ATG13: variants seen among roughly 807,000 people sequenced by gnomAD.
ATG13 encodes the protein autophagy related 13.
Under a neutral mutation model 65.5 loss-of-function variants are expected in ATG13, and 23 were observed. The observed-to-expected ratio is 0.35, with a 90% CI of 0.25 to 0.50. The LOEUF (loss-of-function observed/expected upper bound fraction) is 0.50, where lower values mean the gene tolerates loss of function less well. Ranked by LOEUF, ATG13 falls within the 20% of genes least tolerant of loss-of-function variation. ATG13 has a pLI of 0.98. For synonymous variants in ATG13, 252 were observed against 245.2 expected (o/e 1.03, Z -0.26); for missense variants, 566 against 677.0 (o/e 0.84, Z 1.82).
chr11:46,647,888 G>A (rs1489219011), intron 5 of ATG13, among the ~76,000 whole-genome samples: 1 of 152,006 alleles, frequency 6.6e-6, no homozygotes, highest in African/African-American at 2.4e-5. Flanking sequence ...CGGGATTATA[G>A]GAGTGAGCCA....
At chr11:46,624,777 A>G (rs139095732) in intron 1 of ATG13, among the ~76,000 whole-genome samples, 1 of 152,282 alleles carries the variant, frequency 6.6e-6, no homozygotes, top group East Asian at 1.9e-4. Flanking sequence ...ATGCTGTAAT[A>G]ATCATAGCAC....
At chr11:46,654,614 T>C (rs1326999474) in intron 7 of ATG13, among the ~76,000 whole-genome samples, 1 of 151,058 alleles carries the variant, frequency 6.6e-6, no homozygotes, top group Non-Finnish European at 1.5e-5. Context: ...CCCAGCTGCT[T>C]AGGAGACTGA....
At chr11:46,618,192 AAT>A (rs2045968634) in intron 1 of ATG13, 3 of 299,716 alleles carry the variant, frequency 1.0e-5, no homozygotes, top group Non-Finnish European at 6.1e-6. Context: ...GTTGGGTGCC[AAT>A]ATGAGTGAGG....
chr11:46,659,988 A>G (rs1455039136), intron 11 of ATG13: 1 of 153,412 alleles, frequency 6.5e-6, no homozygotes, highest in East Asian at 1.9e-4. Context: ...TTTCCACTTC[A>G]GTCTTCAGTG....
At chr11:46,632,125 A>G (rs2052004749) in intron 2 of ATG13, among the ~76,000 whole-genome samples, 2 of 152,364 alleles carry the variant, frequency 1.3e-5, no homozygotes, top group South Asian at 2.1e-4. Context: ...ATCAAGTCAC[A>G]GGACAATAAG....
In ATG13 at chr11:46,673,609, C is replaced by T. The variant is rs189708486; in HGVS notation, c.*1277C>T. The T allele has an allele frequency of 2.0e-5, 3 of 152,108 alleles. No individual in the cohort carries two copies. Among genetic ancestry groups the T allele is most frequent in the Admixed American group, 2.0e-4 (3 of 15,274 alleles). The allele number at this position is 152,108 out of a possible 1,614,324, so 9.4% of individuals were successfully genotyped here. A position where few individuals can be genotyped will look rare whatever the true frequency, so the allele number is the denominator to read the frequency against. ...CCTAGCTACCATCTCCCTCTAATCC[C>T]AGGTTCTCTACACTGCCCTGGGGTT... On this transcript the variant is annotated 3_prime_UTR_variant, in exon 19 of 19. Coordinates refer to ENST00000683050, the MANE Select transcript of ATG13 (RefSeq NM_001346311.2).
intron 2 of ATG13, among the ~76,000 whole-genome samples, chr11:46,644,018 A>G (rs887676513): frequency 2.0e-5 from 3 of 152,216 alleles, no homozygotes; most frequent in East Asian, 3.8e-4. Flanking sequence ...TGGATAATTA[A>G]AGCTCAAAGT....
intron 2 of ATG13, among the ~76,000 whole-genome samples, chr11:46,639,588 AAG>A (rs1248957624): frequency 6.6e-6 from 1 of 152,142 alleles, no homozygotes; most frequent in Non-Finnish European, 1.5e-5. Flanking sequence ...CAGCAGAGAA[AAG>A]AGGTTTAATT....
chr11:46,643,546 A>T (rs2056736472), intron 2 of ATG13, among the ~76,000 whole-genome samples: 1 of 151,412 alleles, frequency 6.6e-6, no homozygotes, highest in Non-Finnish European at 1.5e-5. Context: ...CTCTTTGTTC[A>T]TGCTCGTCTC....
In ATG13 at chr11:46,659,386, C is replaced by G; in HGVS notation, c.696-6C>G. The G allele has an allele frequency of 6.2e-7, 1 of 1,607,630 alleles. No homozygotes were observed. The highest frequency in any genetic ancestry group is 8.5e-7 in the Non-Finnish European group (1 of 1,174,390). On this transcript the variant is annotated splice_polypyrimidine_tract_variant and splice_region_variant and intron_variant, in intron 10 of 18. Transcript: ENST00000683050. ...AAAATTCATTATTTCTTTCTTTTCACTTTAGAACTGCTGGTGAGGACACTG... is the reference window on the plus strand; with the variant it reads ...AAAATTCATTATTTCTTTCTTTTCAGTTTAGAACTGCTGGTGAGGACACTG...
At position 46,619,985 on chromosome 11, in the gene ATG13, C is replaced by T. The variant is rs370866190; in HGVS notation, c.-70+2095C>T. 1.9e-4 allele frequency among the ~76,000 whole-genome samples: 28 copies of T among 147,514 alleles called. No homozygotes were observed. In the South Asian group the frequency reaches 4.6e-3, roughly 24 times the overall value. On this transcript the variant is annotated intron_variant, in intron 1 of 18. Transcript: ENST00000683050. Reference sequence around the variant, plus strand: ...TGGAGGTTGCAGTGAGCCTAGATCACGCCATTGCACTCCAGCCCGGGAGAC... The same window carrying T: ...TGGAGGTTGCAGTGAGCCTAGATCATGCCATTGCACTCCAGCCCGGGAGAC...
chr11:46,622,271 C>T (rs751318565), intron 1 of ATG13, among the ~76,000 whole-genome samples: 1 of 151,242 alleles, frequency 6.6e-6, no homozygotes. Flanking sequence ...GCGCCCACTA[C>T]CATGCCTGGC....
chr11:46,666,217 T>A (rs2062328594), intron 14 of ATG13, among the ~76,000 whole-genome samples: 1 of 152,198 alleles, frequency 6.6e-6, no homozygotes, highest in Non-Finnish European at 1.5e-5. Flanking sequence ...GGAACTTCAG[T>A]ACCAACGGGA....
In ATG13 at chr11:46,663,429, A is replaced by G. The variant is rs140660960; in HGVS notation, c.790-568A>G. On this transcript the variant is annotated intron_variant, in intron 11 of 18. Transcript: ENST00000683050. ...ATGCCATCAGGGACTGTAAGAACGC[A>G]TACACACACCCCTGCACACCCACTT... Among the ~76,000 whole-genome samples, 148 of 152,196 alleles carry G rather than the reference A, an allele frequency of 9.7e-4. 2 individuals are homozygous for G. In the East Asian group the frequency reaches 0.021, roughly 22 times the overall value.
At chr11:46,671,231 T>G (rs368247647) in intron 18 of ATG13, among the ~76,000 whole-genome samples, 5 of 152,336 alleles carry the variant, frequency 3.3e-5, no homozygotes, top group African/African-American at 1.2e-4. Flanking sequence ...CACGCTCCCT[T>G]GTGGTCGTGT....
intron 7 of ATG13, among the ~76,000 whole-genome samples, chr11:46,651,010 A>G (rs2058785571): frequency 6.6e-6 from 1 of 152,224 alleles, no homozygotes; most frequent in Non-Finnish European, 1.5e-5. Flanking sequence ...ACTCAGTTTA[A>G]GTTTTTAATT....
At chr11:46,620,375 G>A (rs1565389601) in intron 1 of ATG13, among the ~76,000 whole-genome samples, 1 of 151,778 alleles carries the variant, frequency 6.6e-6, no homozygotes, top group Admixed American at 6.6e-5. Context: ...GATTACAGGC[G>A]TGAGCCACCG....
At chr11:46,661,513 G>A (rs1236069577) in intron 11 of ATG13, among the ~76,000 whole-genome samples, 7 of 101,970 alleles carry the variant, frequency 6.9e-5, no homozygotes, top group Admixed American at 4.1e-4. Flanking sequence ...GTGAGACTCC[G>A]TCTCAAAAAA....
In ATG13 at chr11:46,617,593, C is replaced by T; in HGVS notation, c.-367C>T. On this transcript the variant is annotated 5_prime_UTR_variant, in exon 1 of 19. Transcript: ENST00000683050. ...GGATGAAAACAAACACTAACGATGG[C>T]GGCGCCGGGAAGCGACCGGCTGCTG... 6.4e-6 allele frequency: 1 copy of T among 155,624 alleles called. No individual in the cohort carries two copies. 9.6% of individuals were successfully genotyped at this position (155,624 alleles called of 1,614,324 possible).
Sources: allele counts gnomAD v4.1 joint callset (sites outside exome capture counted in the v4.1 genomes callset), GRCh38; gene constraint gnomAD v4.1.1; transcripts MANE v1.5; gene names NCBI Gene and HGNC (gene_info 2026-07-23, HGNC 2026-07-21).